FBXL17: variants seen among roughly 807,000 people sequenced by gnomAD.
FBXL17 encodes F-box and leucine rich repeat protein 17.
A neutral mutation model predicts 66.2 loss-of-function variants in FBXL17; 22 were observed. The ratio of observed to expected loss-of-function variants is 0.33; its 90% confidence interval spans 0.24 to 0.47. The LOEUF (loss-of-function observed/expected upper bound fraction) is 0.47, where lower values mean the gene tolerates loss of function less well. Among genes scored for constraint, FBXL17 ranks in the 20% least tolerant of loss-of-function variants. FBXL17 has a pLI of 1.00. For synonymous variants in FBXL17, 474 were observed against 400.5 expected, an observed-to-expected ratio of 1.18 and a Z score of -2.19; for missense variants, 878 against 948.2, an observed-to-expected ratio of 0.93 and a Z score of 0.97.
chr5:108,282,066 G>C (rs1757723055), intron 4 of FBXL17, among the ~76,000 whole-genome samples: 1 of 151,792 alleles, frequency 6.6e-6, no homozygotes, highest in African/African-American at 2.4e-5. Flanking sequence ...CTCAGGACCA[G>C]ATGGATTCAC....
At chr5:108,283,995 T>A (rs1021871858) in intron 4 of FBXL17, among the ~76,000 whole-genome samples, 11 of 152,038 alleles carry the variant, frequency 7.2e-5, no homozygotes, top group Admixed American at 5.9e-4. Context: ...AGATGTCATC[T>A]TACTCCAGGC....
At chr5:108,370,777 C>T (rs1339610245) in intron 1 of FBXL17, among the ~76,000 whole-genome samples, 4 of 151,774 alleles carry the variant, frequency 2.6e-5, no homozygotes, top group East Asian at 1.9e-4. Context: ...AAGTCACTAG[C>T]GAATTTGTCT....
intron 6 of FBXL17, among the ~76,000 whole-genome samples, chr5:108,057,525 T>C (rs1747755407): frequency 6.6e-6 from 1 of 152,206 alleles, no homozygotes; most frequent in South Asian, 2.1e-4. Context: ...AATTTTCTTT[T>C]TGGAGCCTTT....
intron 4 of FBXL17, among the ~76,000 whole-genome samples, chr5:108,246,168 C>T (rs191595354): frequency 3.0e-4 from 45 of 152,196 alleles, no homozygotes; most frequent in Non-Finnish European, 6.2e-4. Context: ...AAATCTCTCC[C>T]CCCTCCTCAT....
chr5:108,154,288 A>G (rs1174661291), intron 6 of FBXL17, among the ~76,000 whole-genome samples: 3 of 17,738 alleles, frequency 1.7e-4, no homozygotes, highest in East Asian at 0.013. Flanking sequence ...ATCACAGCTG[A>G]AAAAAAAAAA....
chr5:108,244,003 T>C (rs1258801599), intron 4 of FBXL17, among the ~76,000 whole-genome samples: 4 of 152,164 alleles, frequency 2.6e-5, no homozygotes, highest in African/African-American at 4.8e-5. Context: ...AAGCCAGCTA[T>C]GATAAAGGCA....
chr5:108,154,677 A>ACATATG (rs1209100519), intron 6 of FBXL17, among the ~76,000 whole-genome samples: 5 of 144,528 alleles, frequency 3.5e-5, no homozygotes, highest in African/African-American at 1.3e-4. Flanking sequence ...ATATGTGTAT[A>ACATATG]TATATACACA....
rs1748671238 is a variant in FBXL17 at position 107,878,209 on chromosome 5, G to C, written c.1965+2828C>G. 4.2e-6 allele frequency: 4 copies of C among 952,064 alleles called. No homozygotes were observed. In the South Asian group the frequency reaches 1.9e-4, roughly 46 times the overall value. 59.0% of individuals were successfully genotyped at this position (952,064 alleles called of 1,614,324 possible). On this transcript the variant is annotated intron_variant, in intron 8 of 8. Transcript: ENST00000542267. ...AATTTAGGTGAGGAAAAAGCACAAA[G>C]GCAAAGCATTCTCTAGTCTGAATTT...
At chr5:108,096,677 G>A (rs1749381044) in intron 6 of FBXL17, among the ~76,000 whole-genome samples, 1 of 152,158 alleles carries the variant, frequency 6.6e-6, no homozygotes, top group African/African-American at 2.4e-5. Flanking sequence ...TTATTTGTGG[G>A]GTGTGGGATA....
At chr5:108,259,524 T>C (rs537218821) in intron 4 of FBXL17, among the ~76,000 whole-genome samples, 3 of 152,142 alleles carry the variant, frequency 2.0e-5, no homozygotes, top group Non-Finnish European at 4.4e-5. Flanking sequence ...ACTTAACCTC[T>C]CTTAGCCTTT....
At chr5:108,046,991 C>G (rs1488645153) in intron 6 of FBXL17, among the ~76,000 whole-genome samples, 1 of 152,140 alleles carries the variant, frequency 6.6e-6, no homozygotes, top group African/African-American at 2.4e-5. Flanking sequence ...TCTTACTTGT[C>G]CTTGATCTGA....
intron 8 of FBXL17, chr5:107,880,705 C>T (rs1024233215): frequency 4.7e-6 from 6 of 1,270,340 alleles, no homozygotes; most frequent in Non-Finnish European, 5.9e-6. Flanking sequence ...ACGGTTAGAC[C>T]CTGCAAATTG....
chr5:108,324,058 C>A (rs1342814233), intron 4 of FBXL17, among the ~76,000 whole-genome samples: 1 of 151,918 alleles, frequency 6.6e-6, no homozygotes, highest in African/African-American at 2.4e-5. Flanking sequence ...ACCAAAAGCA[C>A]AGGCAACAAA....
chr5:108,367,623 C>A (rs1313294485), intron 2 of FBXL17, among the ~76,000 whole-genome samples: 3 of 151,958 alleles, frequency 2.0e-5, no homozygotes, highest in Non-Finnish European at 4.4e-5. Flanking sequence ...CCTAAATTAC[C>A]AATCTACATG....
chr5:107,862,784 G>GTCTATTTCTCTTGCTCCAATCTAAGATCT (rs779583283), intron 8 of FBXL17, among the ~76,000 whole-genome samples: 2 of 151,702 alleles, frequency 1.3e-5, no homozygotes, highest in Non-Finnish European at 2.9e-5. Flanking sequence ...TATTGGAAAA[G>GTCTATTTCTCTTGCTCCAATCTAAGATCT]ATCAGGACCA....
In FBXL17 at chr5:107,859,924, T is replaced by C. The variant is rs1748076834; in HGVS notation, c.*1796A>G. On this transcript the variant is annotated 3_prime_UTR_variant, in exon 9 of 9. Coordinates refer to ENST00000542267, the MANE Select transcript of FBXL17 (RefSeq NM_001163315.3). The stretch of plus-strand genomic sequence containing the variant: ...TGGATATGAAAATGATACAGTTCAA[T>C]GTGTAAGAAGAAATATAGTTTATTA... 6.6e-6 allele frequency: 1 copy of C among 152,218 alleles called. No individual in the cohort carries two copies. Among genetic ancestry groups the C allele is most frequent in the African/African-American group, 2.4e-5 (1 of 41,468 alleles). 9.4% of individuals were successfully genotyped at this position (152,218 alleles called of 1,614,324 possible).
At chr5:107,999,172 C>T (rs147578291) in intron 7 of FBXL17, among the ~76,000 whole-genome samples, 52 of 152,016 alleles carry the variant, frequency 3.4e-4, no homozygotes, top group African/African-American at 1.2e-3. Flanking sequence ...TCTATTGCAC[C>T]CCAGGTTAGT....
At chr5:108,208,997 T>A (rs544058531) in intron 5 of FBXL17, among the ~76,000 whole-genome samples, 1 of 152,310 alleles carries the variant, frequency 6.6e-6, no homozygotes, top group East Asian at 1.9e-4. Flanking sequence ...TGAGCAGTGG[T>A]TTGTAGTTCT....
intron 4 of FBXL17, among the ~76,000 whole-genome samples, chr5:108,277,312 T>C (rs1451580072): frequency 6.6e-6 from 1 of 152,168 alleles, no homozygotes; most frequent in Non-Finnish European, 1.5e-5. Flanking sequence ...TTTATTGTTA[T>C]TATTTTTTAA....
Sources: allele counts gnomAD v4.1 joint callset (sites outside exome capture counted in the v4.1 genomes callset), GRCh38; gene constraint gnomAD v4.1.1; transcripts MANE v1.5; gene names NCBI Gene and HGNC (gene_info 2026-07-23, HGNC 2026-07-21).